The following ULK4 variants were observed in gnomAD, a reference collection of about 807,000 sequenced individuals.
The protein encoded by ULK4 is inactive serine/threonine-protein kinase ULK4.
Under a neutral mutation model 160.6 loss-of-function variants are expected in ULK4, and 133 were observed. The observed-to-expected ratio is 0.83, with a 90% CI of 0.72 to 0.96. The LOEUF is 0.96. ULK4 is among the 40% of genes least tolerant of loss of function. The pLI, the probability that ULK4 is intolerant of heterozygous loss-of-function variation, is 0.00. For missense variants in ULK4, 1,580 were observed against 1,499.5 expected (o/e 1.05, Z -0.89); for synonymous variants, 534 against 539.8 (o/e 0.99, Z 0.15).
intron 17 of ULK4, among the ~76,000 whole-genome samples, chr3:41,870,039 G>A (rs912679546): frequency 2.5e-4 from 38 of 152,024 alleles, no homozygotes; most frequent in Non-Finnish European, 3.1e-4. Context: ...CTGTCTAATG[G>A]CATCTATGGT....
At position 41,896,960 on chromosome 3, in the gene ULK4, A is replaced by G; in HGVS notation, c.1392T>C (p.Phe464=). The change falls in exon 15 of 37, where the codon TTT becomes TTC. Residue 464 remains phenylalanine (F), a synonymous_variant. Transcript: ENST00000301831. ...LFLKDQDWND[F]LQQVCSQIDS... ...CGATCTGCGAGCACACTTGTTGCAAAAAGTCATTCCAATCTTGATCTTTCA... is the reference window on the plus strand; with the variant it reads ...CGATCTGCGAGCACACTTGTTGCAAGAAGTCATTCCAATCTTGATCTTTCA... 6.2e-7 allele frequency: 1 copy of G among 1,613,348 alleles called. No individual in the cohort carries two copies. Among genetic ancestry groups the G allele is most frequent in the Non-Finnish European group, 8.5e-7 (1 of 1,179,868 alleles).
intron 35 of ULK4, among the ~76,000 whole-genome samples, chr3:41,333,874 A>C (rs904180854): frequency 1.3e-5 from 2 of 152,122 alleles, no homozygotes; most frequent in African/African-American, 4.8e-5. Flanking sequence ...GACTCCAAAG[A>C]AGCTTGGGCC....
At chr3:41,344,889 T>C (rs1413911730) in intron 35 of ULK4, among the ~76,000 whole-genome samples, 1 of 152,026 alleles carries the variant, frequency 6.6e-6, no homozygotes, top group African/African-American at 2.4e-5. Context: ...TGTATCCATC[T>C]GACAAAGGTC....
chr3:41,330,857 A>G (rs1179954127), intron 35 of ULK4, among the ~76,000 whole-genome samples: 2 of 152,164 alleles, frequency 1.3e-5, no homozygotes, highest in Non-Finnish European at 2.9e-5. Flanking sequence ...AAGCAGGGTG[A>G]GGAGGTCAAA....
rs532305477 is a variant in ULK4, at chr3:41,546,189, G to A, written c.3226+19836C>T. On this transcript the variant is annotated intron_variant, in intron 32 of 36. Coordinates refer to ENST00000301831, the MANE Select transcript of ULK4 (RefSeq NM_017886.4). ...TGCTAGTCACTGTGAATAATATGTT[G>A]TGGGGAATCTGGATTATGCCACCTT... 2.6e-3 allele frequency among the ~76,000 whole-genome samples: 392 copies of A among 152,002 alleles called. 1 individual carries two copies. Among genetic ancestry groups the A allele is most frequent in the Admixed American group, 7.1e-3 (108 of 15,272 alleles).
intron 2 of ULK4, among the ~76,000 whole-genome samples, chr3:41,949,631 C>G (rs35087626): frequency 0.031 from 4,668 of 151,784 alleles, 106 homozygotes; most frequent in Non-Finnish European, 0.05. Flanking sequence ...CAGGGTTTCA[C>G]CATGTTGGCC....
chr3:41,455,489 G>C lies in ULK4; in HGVS notation c.3492+8C>G, dbSNP rs770873933. The C allele has an allele frequency of 2.5e-6, 4 of 1,613,210 alleles. No individual in the cohort carries two copies. The Admixed American group carries it at 5.0e-5, about 20-fold the overall frequency. ...AATGCCCCAAAAGACATACAGGTGA[G>C]CTCTTACCAGTGGAATGAGCAGGCT... is the stretch of plus-strand genomic sequence containing the variant. On this transcript the variant is annotated splice_region_variant and intron_variant, in intron 34 of 36. Coordinates refer to ENST00000301831, the MANE Select transcript of ULK4 (RefSeq NM_017886.4).
intron 17 of ULK4, among the ~76,000 whole-genome samples, chr3:41,853,307 T>C (rs1482800157): frequency 1.3e-5 from 2 of 152,182 alleles, no homozygotes; most frequent in Non-Finnish European, 2.9e-5. Flanking sequence ...CAATATTGCC[T>C]GCACATGAGA....
intron 17 of ULK4, chr3:41,882,057 C>A (rs903217950): frequency 5.2e-5 from 32 of 614,116 alleles, no homozygotes; most frequent in Middle Eastern, 5.2e-4. Flanking sequence ...CAACAGGTCC[C>A]AGGTTACTTC....
chr3:41,593,267 C>A (rs1177525832), intron 31 of ULK4, among the ~76,000 whole-genome samples: 1 of 152,190 alleles, frequency 6.6e-6, no homozygotes, highest in African/African-American at 2.4e-5. Context: ...TGACAAATCA[C>A]TGAAAGACTT....
At chr3:41,437,711 A>G (rs2083067804) in intron 34 of ULK4, among the ~76,000 whole-genome samples, 1 of 152,254 alleles carries the variant, frequency 6.6e-6, no homozygotes, top group African/African-American at 2.4e-5. Context: ...GAATGTCATC[A>G]CTGACTTGCC....
intron 17 of ULK4, among the ~76,000 whole-genome samples, chr3:41,868,556 C>G (rs1696980212): frequency 6.6e-6 from 1 of 152,178 alleles, no homozygotes; most frequent in Non-Finnish European, 1.5e-5. Context: ...AGTGGGATCT[C>G]AGCTCACTGT....
chr3:41,458,874 G>A lies in ULK4; in HGVS notation c.3394-3279C>T, dbSNP rs532418635. Among the ~76,000 whole-genome samples, 17 of 151,970 alleles carry A rather than the reference G, an allele frequency of 1.1e-4. No individual in the cohort carries two copies. The South Asian group carries it at 3.5e-3, about 32-fold the overall frequency. On this transcript the variant is annotated intron_variant, in intron 33 of 36. Transcript: ENST00000301831. Reference sequence around the variant, plus strand: ...GGGTTCAAGCAATTCCCCTGCCTCAGCCTCCCAAGTGGCTGGGATTACGGG... The same window carrying A: ...GGGTTCAAGCAATTCCCCTGCCTCAACCTCCCAAGTGGCTGGGATTACGGG...
intron 27 of ULK4, among the ~76,000 whole-genome samples, chr3:41,685,581 T>C (rs1305682221): frequency 6.6e-6 from 1 of 152,244 alleles, no homozygotes. Flanking sequence ...CAGGAAGGAA[T>C]GGCAGCCTTG....
chr3:41,351,107 A>T (rs567759280), intron 35 of ULK4, among the ~76,000 whole-genome samples: 15 of 152,342 alleles, frequency 9.8e-5, no homozygotes, highest in African/African-American at 3.4e-4. Context: ...GTAGGACGGA[A>T]GATAAGTCAA....
intron 27 of ULK4, among the ~76,000 whole-genome samples, chr3:41,700,222 GA>G (rs971093708): frequency 9.9e-5 from 15 of 152,240 alleles, no homozygotes; most frequent in African/African-American, 2.9e-4. Flanking sequence ...AGTTTCTGAT[GA>G]AAACCGGAGG....
At chr3:41,352,783 G>A (rs75436642) in intron 35 of ULK4, among the ~76,000 whole-genome samples, 5 of 152,208 alleles carry the variant, frequency 3.3e-5, no homozygotes, top group African/African-American at 1.2e-4. Flanking sequence ...CCAAACAGGA[G>A]AGTGCGTGGC....
In ULK4 at chr3:41,287,149, G is replaced by A. The variant is rs2079476279; in HGVS notation, c.3679-37575C>T. Among the ~76,000 whole-genome samples the A allele has an allele frequency of 2.0e-5, 3 of 152,304 alleles. No individual in the cohort carries two copies. In the South Asian group the frequency reaches 6.2e-4, roughly 32 times the overall value. ...GCAGAAACTGGTGAAAATCTCAATG[G>A]AAAATGGCAAGATCAGGGTAGGAAC... is the stretch of plus-strand genomic sequence containing the variant. On this transcript the variant is annotated intron_variant, in intron 35 of 36. Transcript: ENST00000301831.
At chr3:41,299,039 C>T (rs1045382306) in intron 35 of ULK4, among the ~76,000 whole-genome samples, 1 of 152,150 alleles carries the variant, frequency 6.6e-6, no homozygotes, top group Non-Finnish European at 1.5e-5. Context: ...CCATCAAGAC[C>T]TAGAGTCTAT....
Sources: gnomAD v4.1 joint callset for allele counts (sites outside exome capture counted in the v4.1 genomes callset) on GRCh38, gnomAD v4.1.1 for gene constraint, MANE v1.5 for transcripts, NCBI Gene and HGNC (gene_info 2026-07-23, HGNC 2026-07-21) for gene names.